EML5: variants seen among roughly 807,000 people sequenced by gnomAD.
EML5 encodes EMAP like 5.
A neutral mutation model predicts 250.0 loss-of-function variants in EML5; 120 were observed. That is an observed-to-expected ratio of 0.48 (90% CI 0.41 to 0.56). EML5 has a LOEUF of 0.56. Among genes scored for constraint, EML5 ranks in the 20% least tolerant of loss-of-function variants. The pLI is 0.00. For missense variants in EML5, 2,006 were observed against 2,437.6 expected (o/e 0.82, Z 3.73); for synonymous variants, 771 against 806.5 (o/e 0.96, Z 0.75).
chr14:88,615,917 A>G, intron 43 of EML5, 63 bp from the exon 44 acceptor site: 1 of 1,548,702 alleles, frequency 6.5e-7, no homozygotes. Flanking sequence ...TAACAGTTTA[A>G]TATTTTTCAG....
In EML5 at chr14:88,715,047, C is replaced by T. The variant is rs776496186; in HGVS notation, c.1336G>A (p.Glu446Lys). ...ATGAAACTAAGGGATCCCAAACACT[C>T]GCCAACTTTTTTATAACGCTGAGCA... ...GVAQRYKKVG[E>K]CLGSLSFITH... The change falls in exon 9 of 44, where the codon GAG (glutamate) becomes AAG (lysine). Residue 446 changes from glutamate (E) to lysine (K), a missense_variant. This residue lies in a region of EML5 where 1,375 missense variants were observed against 1,590.3 expected (regional missense o/e 0.86). Transcript: ENST00000554922. 1.9e-5 allele frequency: 31 copies of T among 1,613,874 alleles called. No homozygotes were observed. Among genetic ancestry groups the T allele is most frequent in the Admixed American group, 5.0e-5 (3 of 60,006 alleles).
At chr14:88,679,623 C>A (rs541351615) in intron 21 of EML5, among the ~76,000 whole-genome samples, 1 of 151,918 alleles carries the variant, frequency 6.6e-6, no homozygotes, top group African/African-American at 2.4e-5. Context: ...ACCTGGGAGG[C>A]GGAGGATGCA....
At chr14:88,672,145 T>C (rs545046421) in intron 21 of EML5, among the ~76,000 whole-genome samples, 1 of 152,212 alleles carries the variant, frequency 6.6e-6, no homozygotes, top group East Asian at 1.9e-4. Context: ...GATCACATAA[T>C]TGAAAGTAAA....
intron 21 of EML5, among the ~76,000 whole-genome samples, chr14:88,678,571 T>C (rs2092648916): frequency 6.6e-6 from 1 of 152,214 alleles, no homozygotes; most frequent in Non-Finnish European, 1.5e-5. Flanking sequence ...CTCATTATAG[T>C]ACTAGCTTTC....
intron 36 of EML5, chr14:88,623,083 T>A (rs1226027951): frequency 6.4e-6 from 1 of 155,550 alleles, no homozygotes; most frequent in African/African-American, 2.4e-5. Context: ...TGGCATGATC[T>A]AGGCTTATTG....
chr14:88,630,945 G>A (rs908078900), intron 33 of EML5, among the ~76,000 whole-genome samples: 1 of 152,134 alleles, frequency 6.6e-6, no homozygotes, highest in South Asian at 2.1e-4. Flanking sequence ...AGCACACTCC[G>A]GAGGCTACCC....
At chr14:88,624,271 C>T (rs1379111925) in intron 36 of EML5, 1 of 152,314 alleles carries the variant, frequency 6.6e-6, no homozygotes. Context: ...GATGGGGTTT[C>T]ACCATGTTGC....
chr14:88,661,753 T>G lies in EML5; in HGVS notation c.3576A>C (p.Glu1192Asp). ...CCEGIWPVIG[E>D]VTDVTASCLT... ...GGCAAGAAGCAGTTACATCTGTAAC[T>G]TCTCCAATTACTGGCCAAATTCCTT... is the stretch of plus-strand genomic sequence containing the variant. Residue 1192 changes from glutamate to aspartate, a missense_variant, in exon 25 of 44, where the codon GAA becomes GAC. By Grantham distance (45) the Glu-to-Asp change is conservative. This residue lies in a region of EML5 where 1,375 missense variants were observed against 1,590.3 expected (regional missense o/e 0.86). Transcript: ENST00000554922. 6.2e-7 allele frequency: 1 copy of G among 1,613,718 alleles called. No individual in the cohort carries two copies. Among genetic ancestry groups the G allele is most frequent in the Non-Finnish European group, 8.5e-7 (1 of 1,179,774 alleles).
At chr14:88,770,693 C>T (rs1295581090) in intron 1 of EML5, among the ~76,000 whole-genome samples, 1 of 152,098 alleles carries the variant, frequency 6.6e-6, no homozygotes, top group Non-Finnish European at 1.5e-5. Flanking sequence ...TTCAGGTTAA[C>T]TTAATATCTT....
chr14:88,660,399 A>G (rs2092043604), intron 25 of EML5, among the ~76,000 whole-genome samples: 1 of 152,164 alleles, frequency 6.6e-6, no homozygotes, highest in South Asian at 2.1e-4. Context: ...GAAGTGATAA[A>G]AGAATTAAGT....
chr14:88,618,065 A>G (rs1200129030), intron 41 of EML5, 163 bp downstream of exon 41: 2 of 452,296 alleles, frequency 4.4e-6, no homozygotes, highest in Admixed American at 3.7e-5. Flanking sequence ...AATATATTCA[A>G]TAAAAAGGGG....
At chr14:88,628,765 C>A (rs1307092880) in intron 33 of EML5, among the ~76,000 whole-genome samples, 2 of 151,974 alleles carry the variant, frequency 1.3e-5, no homozygotes, top group African/African-American at 4.8e-5. Context: ...ATATTTTATA[C>A]CATCTGCTAT....
chr14:88,643,255 T>C (rs1158636685), intron 30 of EML5, among the ~76,000 whole-genome samples: 1 of 152,110 alleles, frequency 6.6e-6, no homozygotes, highest in East Asian at 1.9e-4. Flanking sequence ...AAAAGGAAAA[T>C]GGAATCACAA....
chr14:88,677,158 G>C (rs1446268215), intron 21 of EML5, among the ~76,000 whole-genome samples: 1 of 152,048 alleles, frequency 6.6e-6, no homozygotes, highest in Non-Finnish European at 1.5e-5. Context: ...GCCCACCTTG[G>C]CCTCCCATAG....
At chr14:88,637,263 A>G (rs765188925) in intron 32 of EML5, among the ~76,000 whole-genome samples, 64 of 152,206 alleles carry the variant, frequency 4.2e-4, no homozygotes, top group Non-Finnish European at 6.8e-4. Flanking sequence ...GGAGCTACAT[A>G]TATAATCTAA....
rs1406780355 is a variant in EML5, at chr14:88,702,443, T to C, written c.2238+3A>G. ...TGGCTTATTGTCAGTCTTTCAAACC[T>C]ACCTGGCCTGTTGCCACGTAGTCTT... On this transcript the variant is annotated splice_donor_region_variant and intron_variant, in intron 14 of 43. Coordinates refer to ENST00000554922, the MANE Select transcript of EML5 (RefSeq NM_183387.3). 1.9e-6 allele frequency: 3 copies of C among 1,606,246 alleles called. No homozygotes were observed. Among genetic ancestry groups the C allele is most frequent in the Middle Eastern group, 3.3e-4 (2 of 6,042 alleles).
chr14:88,681,947 T>G lies in EML5; in HGVS notation c.3067A>C (p.Arg1023=), dbSNP rs776715318. The G allele has an allele frequency of 6.2e-7, 1 of 1,613,506 alleles. No individual in the cohort carries two copies. Among genetic ancestry groups the G allele is most frequent in the Non-Finnish European group, 8.5e-7 (1 of 1,179,772 alleles). ...CATVSDDKTL[R]IWDLSPSHCM... is the part of the protein sequence containing the mutation. ...TGACTAGGTGAGAGATCCCATATTCTTAAGGTTTTATCATCGCTTACAGTA... is the reference window on the plus strand; with the variant it reads ...TGACTAGGTGAGAGATCCCATATTCGTAAGGTTTTATCATCGCTTACAGTA... Residue 1023 remains arginine, a synonymous_variant, in exon 21 of 44, where the codon AGA becomes CGA. Transcript: ENST00000554922.
At chr14:88,694,843 G>A (rs930050451) in intron 16 of EML5, among the ~76,000 whole-genome samples, 1 of 151,956 alleles carries the variant, frequency 6.6e-6, no homozygotes, top group African/African-American at 2.4e-5. Context: ...CTTTAACATC[G>A]CTTTAATAAA....
At chr14:88,725,057 T>C (rs1305036952) in intron 8 of EML5, among the ~76,000 whole-genome samples, 1 of 152,184 alleles carries the variant, frequency 6.6e-6, no homozygotes, top group Non-Finnish European at 1.5e-5. Context: ...TCAAATGTTA[T>C]ATTCATTTTT....
Sources: allele counts gnomAD v4.1 joint callset (sites outside exome capture counted in the v4.1 genomes callset), GRCh38; gene constraint gnomAD v4.1.1; regional missense constraint gnomAD v4.1.1; transcripts MANE v1.5; gene names NCBI Gene and HGNC (gene_info 2026-07-23, HGNC 2026-07-21).